SLC4A4: variants seen among roughly 807,000 people sequenced by gnomAD.
SLC4A4 encodes electrogenic sodium bicarbonate cotransporter 1.
In SLC4A4, 27 loss-of-function variants were observed where a neutral mutation model predicts 111.5. The ratio of observed to expected loss-of-function variants is 0.24; its 90% confidence interval spans 0.18 to 0.33. The LOEUF (loss-of-function observed/expected upper bound fraction) is 0.33. Among genes scored for constraint, SLC4A4 ranks in the 10% least tolerant of loss-of-function variants. The pLI, the probability that SLC4A4 is intolerant of heterozygous loss-of-function variation, is 1.00. For synonymous variants in SLC4A4, 443 were observed against 463.4 expected, an observed-to-expected ratio of 0.96 and a Z score of 0.57; for missense variants, 909 against 1,315.5, an observed-to-expected ratio of 0.69 and a Z score of 4.78.
chr4:71,541,709 G>T (rs190637763), intron 18 of SLC4A4, among the ~76,000 whole-genome samples: 99 of 151,872 alleles, frequency 6.5e-4, no homozygotes, highest in Admixed American at 1.4e-3. Context: ...GAGGATGGAT[G>T]GGGGAGGAAC....
chr4:71,379,845 G>C (rs1486369152), intron 6 of SLC4A4, among the ~76,000 whole-genome samples: 1 of 152,000 alleles, frequency 6.6e-6, no homozygotes, highest in Non-Finnish European at 1.5e-5. Flanking sequence ...TCTGGTGGTG[G>C]TGATGGTGAT....
intron 13 of SLC4A4, among the ~76,000 whole-genome samples, chr4:71,469,893 T>C (rs1727707050): frequency 6.6e-6 from 1 of 151,978 alleles, no homozygotes; most frequent in African/African-American, 2.4e-5. Flanking sequence ...ATGTATCTTT[T>C]CCTTTGTACC....
At chr4:71,364,718 G>A (rs1273344878) in intron 6 of SLC4A4, among the ~76,000 whole-genome samples, 1 of 152,136 alleles carries the variant, frequency 6.6e-6, no homozygotes, top group Non-Finnish European at 1.5e-5. Context: ...TTCAACAGAA[G>A]AATTTTGGGG....
At chr4:71,247,455 T>C (rs1234122038) in intron 2 of SLC4A4, among the ~76,000 whole-genome samples, 1 of 151,902 alleles carries the variant, frequency 6.6e-6, no homozygotes, top group African/African-American at 2.4e-5. Context: ...GGACCCTTCA[T>C]CCTATTGCCC....
chr4:71,532,237 T>C, intron 17 of SLC4A4, 62 bp downstream of exon 17: 1 of 995,446 alleles, frequency 1.0e-6, no homozygotes, highest in Non-Finnish European at 1.6e-6. Flanking sequence ...CCCCCTATTC[T>C]AATTTATTGT....
chr4:71,339,057 G>A, intron 3 of SLC4A4: 3 of 1,514,740 alleles, frequency 2.0e-6, no homozygotes, highest in East Asian at 2.3e-5. Flanking sequence ...TGGAGAAGGA[G>A]GGGAAGTGAG....
chr4:71,513,884 A>C (rs1732146629), intron 16 of SLC4A4, among the ~76,000 whole-genome samples: 1 of 152,252 alleles, frequency 6.6e-6, no homozygotes, highest in Middle Eastern at 3.4e-3. Context: ...ATTGATTGAG[A>C]TGACTGTATG....
At chr4:71,476,896 A>T (rs996862292) in intron 14 of SLC4A4, among the ~76,000 whole-genome samples, 1 of 151,720 alleles carries the variant, frequency 6.6e-6, no homozygotes, top group African/African-American at 2.4e-5. Context: ...TAGAAATGGG[A>T]TAGCTATTAA....
upstream of SLC4A4, among the ~76,000 whole-genome samples, chr4:71,182,481 T>C (rs1745323216): frequency 6.6e-6 from 1 of 152,094 alleles, no homozygotes. Flanking sequence ...TGAACGGTAA[T>C]AGGCCAGTTG....
At chr4:71,139,103 A>G (rs192072070) in intron 2 of SLC4A4, among the ~76,000 whole-genome samples, 3 of 149,996 alleles carry the variant, frequency 2.0e-5, no homozygotes, top group East Asian at 3.9e-4. Context: ...TTCTTTCTCT[A>G]TTTAACCACA....
chr4:71,171,122 A>G (rs947196885), intron 2 of SLC4A4, among the ~76,000 whole-genome samples: 41 of 152,086 alleles, frequency 2.7e-4, no homozygotes, highest in African/African-American at 9.9e-4. Context: ...TTGATGAAGA[A>G]TTACTGAAGA....
intron 1 of SLC4A4, among the ~76,000 whole-genome samples, chr4:71,082,900 C>T (rs1466690180): frequency 6.6e-6 from 1 of 151,118 alleles, no homozygotes; most frequent in African/African-American, 2.4e-5. Flanking sequence ...GTCACCCAGA[C>T]TGGAGTGCAG....
At chr4:71,217,743 A>G (rs1172976066) in intron 1 of SLC4A4, among the ~76,000 whole-genome samples, 1 of 152,220 alleles carries the variant, frequency 6.6e-6, no homozygotes, top group Admixed American at 6.5e-5. Flanking sequence ...TCTATTTGGT[A>G]TAAGAGTGGC....
intron 2 of SLC4A4, among the ~76,000 whole-genome samples, chr4:71,103,689 T>G (rs1210044152): frequency 2.0e-5 from 3 of 151,826 alleles, no homozygotes; most frequent in Non-Finnish European, 4.4e-5. Flanking sequence ...CATAACGAAA[T>G]GAAGGCAGAA....
intron 7 of SLC4A4, among the ~76,000 whole-genome samples, chr4:71,399,478 C>G (rs1472486283): frequency 7.4e-6 from 1 of 135,896 alleles, no homozygotes; most frequent in Non-Finnish European, 1.6e-5. Flanking sequence ...CCTCCCCTCC[C>G]CTCCCCCTCT....
intron 7 of SLC4A4, chr4:71,437,686 A>G: frequency 4.4e-6 from 2 of 454,606 alleles, no homozygotes; most frequent in South Asian, 1.8e-5. Flanking sequence ...GGCCATGCCA[A>G]CTGATCCAGT....
rs73828131 is a variant in SLC4A4, at chr4:71,388,034, T to C, written c.731-9543T>C. On this transcript the variant is annotated intron_variant, in intron 6 of 25. Coordinates refer to ENST00000264485, the MANE Select transcript of SLC4A4 (RefSeq NM_001098484.3). ...GAAAATCACTCTGGGTCAGTGCCTGTTTGGAATGAAGGCAGCGAGATATTC... is the reference window on the plus strand; with the variant it reads ...GAAAATCACTCTGGGTCAGTGCCTGCTTGGAATGAAGGCAGCGAGATATTC... Among the ~76,000 whole-genome samples the C allele has an allele frequency of 7.9e-3, 1,209 of 152,286 alleles. 17 individuals are homozygous for C. Among genetic ancestry groups the C allele is most frequent in the African/African-American group, 0.026 (1,069 of 41,554 alleles).
At chr4:71,408,395 ATCT>A (rs1721062942) in intron 7 of SLC4A4, among the ~76,000 whole-genome samples, 1 of 152,202 alleles carries the variant, frequency 6.6e-6, no homozygotes, top group African/African-American at 2.4e-5. Context: ...TGTTATATAA[ATCT>A]TCATCATCAT....
rs873954 is a variant in SLC4A4 at position 71,166,749 on chromosome 4, C to G, written c.-1-69827C>G. On this transcript the variant is annotated intron_variant, in intron 2 of 26. Transcript: ENST00000649996. ...GAAGAATTAAGTGCCCAATTTATGTCTGAGCTTCAGATTCCTTGTCTGTCT... is the reference window on the plus strand; with the variant it reads ...GAAGAATTAAGTGCCCAATTTATGTGTGAGCTTCAGATTCCTTGTCTGTCT... Among the ~76,000 whole-genome samples, 4 of 152,082 alleles carry G rather than the reference C, an allele frequency of 2.6e-5. No homozygotes were observed. In the East Asian group the frequency reaches 5.8e-4, roughly 22 times the overall value.
Sources: allele counts gnomAD v4.1 joint callset (sites outside exome capture counted in the v4.1 genomes callset), GRCh38; gene constraint gnomAD v4.1.1; transcripts MANE v1.5; gene names NCBI Gene and HGNC (gene_info 2026-07-23, HGNC 2026-07-21).